Variants in PPP2R2A observed in about 807,000 individuals in gnomAD.
PPP2R2A encodes protein phosphatase 2 regulatory subunit Balpha, also known as serine/threonine-protein phosphatase 2A 55 kDa regulatory subunit B alpha isoform.
PPP2R2A carries 9 observed loss-of-function variants against 53.2 expected under a neutral mutation model. The observed-to-expected ratio is 0.17, with a 90% confidence interval of 0.10 to 0.30. The LOEUF (loss-of-function observed/expected upper bound fraction) is 0.30. PPP2R2A is among the 10% of genes least tolerant of loss of function. The probability of loss-of-function intolerance (pLI) is 1.00; values close to 1 mark genes in which losing one functional copy is unlikely to be tolerated. For synonymous variants in PPP2R2A, 169 were observed against 174.2 expected, an observed-to-expected ratio of 0.97 and a Z score of 0.23; for missense variants, 235 against 534.6, an observed-to-expected ratio of 0.44 and a Z score of 5.53.
chr8:26,306,119 G>A (rs940542170), intron 2 of PPP2R2A, among the ~76,000 whole-genome samples: 1 of 151,914 alleles, frequency 6.6e-6, no homozygotes, highest in Non-Finnish European at 1.5e-5. Context: ...GTTGCAGTGA[G>A]CCGAGATCGT....
chr8:26,356,837 C>G (rs552322785), intron 4 of PPP2R2A, among the ~76,000 whole-genome samples: 1 of 152,316 alleles, frequency 6.6e-6, no homozygotes, highest in African/African-American at 2.4e-5. Context: ...CCACTTCTGA[C>G]ACTCCTCAGT....
intron 1 of PPP2R2A, among the ~76,000 whole-genome samples, chr8:26,292,902 C>T (rs1395821572): frequency 6.6e-6 from 1 of 152,132 alleles, no homozygotes; most frequent in Admixed American, 6.5e-5. Context: ...GATAATTAAA[C>T]CTTTTGAAAA....
At chr8:26,294,833 A>G (rs1328230106) in intron 2 of PPP2R2A, among the ~76,000 whole-genome samples, 1 of 152,136 alleles carries the variant, frequency 6.6e-6, no homozygotes, top group East Asian at 1.9e-4. Flanking sequence ...CAACTGGTGT[A>G]GATTATACTT....
intron 2 of PPP2R2A, among the ~76,000 whole-genome samples, chr8:26,316,794 T>A (rs1461660816): frequency 6.6e-6 from 1 of 152,212 alleles, no homozygotes; most frequent in Non-Finnish European, 1.5e-5. Flanking sequence ...AGGGACACAC[T>A]AATCGCATTC....
chr8:26,369,089 CAG>C (rs1466881928), intron 9 of PPP2R2A, among the ~76,000 whole-genome samples: 1 of 149,810 alleles, frequency 6.7e-6, no homozygotes, highest in Admixed American at 6.6e-5. Context: ...GCCTGGGCAA[CAG>C]AGCGAGACTC....
chr8:26,312,330 A>T (rs1235248167), intron 2 of PPP2R2A, among the ~76,000 whole-genome samples: 3 of 152,224 alleles, frequency 2.0e-5, no homozygotes, highest in African/African-American at 7.2e-5. Context: ...TAAAATACAG[A>T]TGATGATGGT....
At chr8:26,291,987 C>T (rs1003602217) in intron 1 of PPP2R2A, 161 bp downstream of exon 1, 1 of 1,215,456 alleles carries the variant, frequency 8.2e-7, no homozygotes, top group Non-Finnish European at 1.1e-6. Flanking sequence ...GGGGAGGGCT[C>T]CCGGGAGGCA....
chr8:26,315,203 G>T (rs1585343655), intron 2 of PPP2R2A, among the ~76,000 whole-genome samples: 1 of 152,038 alleles, frequency 6.6e-6, no homozygotes, highest in African/African-American at 2.4e-5. Context: ...TTGTCTGTTA[G>T]TTCTTAAGAA....
rs1801297411 is a variant in PPP2R2A at position 26,291,618 on chromosome 8, G to C, written c.-202G>C. ...CTGCCGGAGAAAGAGCACGAGCGGG[G>C]AAGCCCCAGAGTGAAATCTAGCATC... On this transcript the variant is annotated 5_prime_UTR_variant, in exon 1 of 10. Transcript: ENST00000380737. 5.1e-6 allele frequency: 3 copies of C among 583,824 alleles called. No homozygotes were observed. Among genetic ancestry groups the C allele is most frequent in the Admixed American group, 3.5e-5 (1 of 28,596 alleles). 36.2% of individuals were successfully genotyped at this position (583,824 alleles called of 1,614,324 possible). A position where few individuals can be genotyped will look rare whatever the true frequency, so the allele number is the denominator to read the frequency against.
intron 2 of PPP2R2A, 43 bp downstream of exon 2, chr8:26,293,783 C>G (rs775273418): frequency 6.4e-7 from 1 of 1,572,176 alleles, no homozygotes; most frequent in Admixed American, 1.7e-5. Flanking sequence ...ATAATTTTTG[C>G]AGAAATGTTT....
intron 9 of PPP2R2A, among the ~76,000 whole-genome samples, chr8:26,369,913 C>T (rs1447925482): frequency 2.0e-5 from 3 of 152,144 alleles, no homozygotes; most frequent in Non-Finnish European, 4.4e-5. Context: ...GTCAACTTTG[C>T]TGATAGTTTT....
chr8:26,308,260 G>A lies in PPP2R2A; in HGVS notation c.82+14520G>A, dbSNP rs568991263. On this transcript the variant is annotated intron_variant, in intron 2 of 9. Coordinates refer to ENST00000380737, the MANE Select transcript of PPP2R2A (RefSeq NM_002717.4). Reference sequence around the variant, plus strand: ...ATCAGTGTGGTGTTTGCCGAAGGTTGGAGTGACTGTGGCACTTCTTAAAAA... The same window carrying A: ...ATCAGTGTGGTGTTTGCCGAAGGTTAGAGTGACTGTGGCACTTCTTAAAAA... Among the ~76,000 whole-genome samples, 340 of 152,332 alleles carry A rather than the reference G, an allele frequency of 2.2e-3. 1 individual carries two copies. The highest frequency in any genetic ancestry group is 7.6e-3 in the African/African-American group (317 of 41,590).
At chr8:26,311,890 T>C (rs191892017) in intron 2 of PPP2R2A, among the ~76,000 whole-genome samples, 23 of 152,194 alleles carry the variant, frequency 1.5e-4, no homozygotes, top group African/African-American at 5.5e-4. Context: ...ACTATTGGTG[T>C]CAGTTTCTCA....
intron 4 of PPP2R2A, among the ~76,000 whole-genome samples, chr8:26,359,240 A>G (rs1425583262): frequency 6.6e-6 from 1 of 152,250 alleles, no homozygotes; most frequent in African/African-American, 2.4e-5. Flanking sequence ...TGAGAAACTT[A>G]AAGGCAGAGA....
At position 26,362,028 on chromosome 8, in the gene PPP2R2A, ATTAAGATTAATC is replaced by A. The variant is rs943065369; in HGVS notation, c.638-646_638-635del. On this transcript the variant is annotated intron_variant, in intron 6 of 9. Coordinates refer to ENST00000380737, the MANE Select transcript of PPP2R2A (RefSeq NM_002717.4). The surrounding 1 kb of genome is among the most constrained non-coding windows in gnomAD (Gnocchi z 4.4). ...GATATTAAGATTAGATTAAGATTAG[ATTAAGATTAATC>A]TTAAGATTAGATTAAGATTAATTTT... Among the ~76,000 whole-genome samples, 7 of 137,138 alleles carry A rather than the reference ATTAAGATTAATC, an allele frequency of 5.1e-5. No individual in the cohort carries two copies. The highest frequency in any genetic ancestry group is 7.3e-5 in the Admixed American group (1 of 13,782). The allele number at this position is 137,138 out of a possible 152,430, so 90.0% of individuals were successfully genotyped here. A position where few individuals can be genotyped will look rare whatever the true frequency, so the allele number is the denominator to read the frequency against.
chr8:26,365,488 T>C lies in PPP2R2A; in HGVS notation c.973-827T>C, dbSNP rs560324704. ...CATATAGAATAGAGAATTCTAAGCA[T>C]TTAGAAGGTACCTTCTCATTTCTGT... On this transcript the variant is annotated intron_variant, in intron 8 of 9. Transcript: ENST00000380737. The C allele has an allele frequency of 7.2e-5, 11 of 152,310 alleles. 1 individual carries two copies. In the South Asian group the frequency reaches 2.3e-3, roughly 32 times the overall value. 9.4% of individuals were successfully genotyped at this position (152,310 alleles called of 1,614,324 possible).
At position 26,362,586 on chromosome 8, in the gene PPP2R2A, T is replaced by A; in HGVS notation, c.638-98T>A. The A allele has an allele frequency of 9.0e-7, 1 of 1,113,290 alleles. No individual in the cohort carries two copies. Among genetic ancestry groups the A allele is most frequent in the Non-Finnish European group, 1.3e-6 (1 of 783,928 alleles). The allele number at this position is 1,113,290 out of a possible 1,614,324, so 69.0% of individuals were successfully genotyped here. ...GTGGAGTGCAATTCAGAATTAATATTTTTGCTTAGGTCCATGAATGGGTTT... is the reference window on the plus strand; with the variant it reads ...GTGGAGTGCAATTCAGAATTAATATATTTGCTTAGGTCCATGAATGGGTTT... On this transcript the variant is annotated intron_variant, in intron 6 of 9. Coordinates refer to ENST00000380737, the MANE Select transcript of PPP2R2A (RefSeq NM_002717.4). This position sits in a 1 kb window ranked among gnomAD's most constrained non-coding sequence, Gnocchi z 4.4.
chr8:26,332,683 G>C (rs959053277), intron 2 of PPP2R2A, among the ~76,000 whole-genome samples: 3 of 152,174 alleles, frequency 2.0e-5, no homozygotes, highest in Admixed American at 1.3e-4. Flanking sequence ...CCAGTGCCTT[G>C]AATGTAGCAG....
At position 26,291,742 on chromosome 8, in the gene PPP2R2A, C is replaced by A. The variant is rs149037983; in HGVS notation, c.-78C>A. On this transcript the variant is annotated 5_prime_UTR_variant, in exon 1 of 10. Transcript: ENST00000380737. ...GCCGCCATCCGCCCTCTCTACCCCC[C>A]CATCCCCAGGTGAGGGGGGTGAGTT... 11 of 1,529,424 alleles carry A rather than the reference C, an allele frequency of 7.2e-6. No homozygotes were observed. In the East Asian group the frequency reaches 1.3e-4, roughly 18 times the overall value. 94.7% of individuals were successfully genotyped at this position (1,529,424 alleles called of 1,614,324 possible).
Sources: gnomAD v4.1 joint callset for allele counts (sites outside exome capture counted in the v4.1 genomes callset) on GRCh38, gnomAD v4.1.1 for gene constraint, Gnocchi (gnomAD v3.1) non-coding constraint, MANE v1.5 for transcripts, NCBI Gene and HGNC (gene_info 2026-07-23, HGNC 2026-07-21) for gene names.